SNRK: variants seen among roughly 807,000 people sequenced by gnomAD.
SNRK encodes SNF-related serine/threonine-protein kinase.
A neutral mutation model predicts 48.2 loss-of-function variants in SNRK; 3 were observed. The observed-to-expected ratio is 0.06, with a 90% CI of 0.03 to 0.16. The LOEUF (loss-of-function observed/expected upper bound fraction) is 0.16. Among genes scored for constraint, SNRK ranks in the 10% least tolerant of loss-of-function variants. The pLI, the probability that SNRK is intolerant of heterozygous loss-of-function variation, is 1.00. For synonymous variants in SNRK, 376 were observed against 366.1 expected (o/e 1.03, Z -0.31); for missense variants, 627 against 976.0 (o/e 0.64, Z 4.76).
At chr3:43,336,018 A>G (rs1340352491) in intron 4 of SNRK, among the ~76,000 whole-genome samples, 1 of 152,078 alleles carries the variant, frequency 6.6e-6, no homozygotes, top group Non-Finnish European at 1.5e-5. Context: ...TTTGTGTTTT[A>G]AATGGAGAGT....
chr3:43,341,869 A>C (rs1244229823), intron 5 of SNRK, among the ~76,000 whole-genome samples: 1 of 152,214 alleles, frequency 6.6e-6, no homozygotes, highest in African/African-American at 2.4e-5. Context: ...AAGGTTTATA[A>C]AAATAAACCC....
intron 6 of SNRK, among the ~76,000 whole-genome samples, chr3:43,344,096 T>C (rs758731813): frequency 3.9e-5 from 6 of 152,142 alleles, no homozygotes; most frequent in Non-Finnish European, 5.9e-5. Flanking sequence ...GTAAAGCACT[T>C]AGAACCAGGG....
intron 2 of SNRK, among the ~76,000 whole-genome samples, chr3:43,301,647 A>G (rs1559459976): frequency 6.6e-6 from 1 of 152,226 alleles, no homozygotes; most frequent in Non-Finnish European, 1.5e-5. Flanking sequence ...AAACTTACCT[A>G]TTATATGTCA....
chr3:43,345,217 G>T (rs180716827), intron 6 of SNRK, among the ~76,000 whole-genome samples: 1 of 152,364 alleles, frequency 6.6e-6, no homozygotes, highest in African/African-American at 2.4e-5. Context: ...AGGGCCCACT[G>T]GCAGTGGCAG....
chr3:43,291,765 A>G (rs989137561), intron 1 of SNRK, among the ~76,000 whole-genome samples: 1 of 152,206 alleles, frequency 6.6e-6, no homozygotes, highest in Non-Finnish European at 1.5e-5. Context: ...AATTCTGATC[A>G]TTCCTGAAGT....
chr3:43,320,399 A>G (rs2091044617), intron 3 of SNRK, among the ~76,000 whole-genome samples: 1 of 152,190 alleles, frequency 6.6e-6, no homozygotes, highest in South Asian at 2.1e-4. Context: ...GGCCCTTGTT[A>G]GGGTTTAAGA....
rs1284915054 is a variant in SNRK, at chr3:43,340,297, C to T, written c.742C>T (p.Arg248Trp). The T allele has an allele frequency of 1.7e-5, 27 of 1,613,716 alleles. No individual in the cohort carries two copies. Among genetic ancestry groups the T allele is most frequent in the East Asian group, 6.7e-5 (3 of 44,886 alleles). The change falls in exon 5 of 7, where the codon CGG becomes TGG. Residue 248 changes from arginine to tryptophan, a missense_variant. This residue lies in a region of SNRK where 147 missense variants were observed against 356.8 expected (regional missense o/e 0.41). Transcript: ENST00000296088. ...VSKECKDLITRMLQRDPKRRA... is the reference protein window; with the variant it reads ...VSKECKDLITWMLQRDPKRRA... ...TACCTTCCTTTCCAGCCTAATCACACGGATGCTACAGAGAGATCCCAAGAG... is the reference window on the plus strand; with the variant it reads ...TACCTTCCTTTCCAGCCTAATCACATGGATGCTACAGAGAGATCCCAAGAG...
intron 1 of SNRK, among the ~76,000 whole-genome samples, chr3:43,298,354 GC>G (rs1175761921): frequency 6.6e-6 from 1 of 152,090 alleles, no homozygotes; most frequent in African/African-American, 2.4e-5. Flanking sequence ...AGAGAAGCAG[GC>G]AAGGATAGTG....
chr3:43,327,139 C>G (rs1334689121), intron 3 of SNRK, among the ~76,000 whole-genome samples: 1 of 152,094 alleles, frequency 6.6e-6, no homozygotes, highest in Admixed American at 6.6e-5. Context: ...CTTTAGTAAC[C>G]AAAGCTCTAC....
At chr3:43,322,916 C>T (rs2091065128) in intron 3 of SNRK, among the ~76,000 whole-genome samples, 1 of 136,252 alleles carries the variant, frequency 7.3e-6, no homozygotes, top group Non-Finnish European at 1.5e-5. Flanking sequence ...CGTGCCACTG[C>T]ACTACAGCCT....
At chr3:43,310,804 C>T (rs970867676) in intron 3 of SNRK, among the ~76,000 whole-genome samples, 10 of 152,106 alleles carry the variant, frequency 6.6e-5, no homozygotes, top group Non-Finnish European at 8.8e-5. Context: ...TTCATTGATT[C>T]GGTGGAGCAT....
chr3:43,328,192 C>T (rs1007852702), intron 3 of SNRK, among the ~76,000 whole-genome samples: 3 of 151,912 alleles, frequency 2.0e-5, no homozygotes, highest in Admixed American at 1.3e-4. Context: ...CTGTACATTT[C>T]GCTCCATTAC....
intron 5 of SNRK, 65 bp from the exon 6 acceptor site, chr3:43,343,279 A>G (rs527398640): frequency 3.0e-5 from 46 of 1,514,382 alleles, no homozygotes; most frequent in African/African-American, 1.3e-4. Context: ...TTAAAAATCA[A>G]TTCTGCTTCT....
intron 3 of SNRK, among the ~76,000 whole-genome samples, chr3:43,324,238 G>A (rs1463108259): frequency 1.3e-5 from 2 of 152,206 alleles, no homozygotes; most frequent in Middle Eastern, 3.2e-3. Flanking sequence ...GGCCGGGCGT[G>A]GTGGCTCACG....
chr3:43,300,216 C>A (rs1373595062), intron 2 of SNRK, among the ~76,000 whole-genome samples: 1 of 151,974 alleles, frequency 6.6e-6, no homozygotes, highest in African/African-American at 2.4e-5. Context: ...TAATCTATAG[C>A]TTGCTATAGA....
Position 43,349,001 on chromosome 3 carries a change from C to T in SNRK, c.*444C>T, listed in dbSNP as rs755173172. Reference sequence around the variant, plus strand: ...GTCTGAGACAGAACCAAAGCAATAACGTTGTGATGCCCACAGGCCTGGAGC... The same window carrying T: ...GTCTGAGACAGAACCAAAGCAATAATGTTGTGATGCCCACAGGCCTGGAGC... On this transcript the variant is annotated 3_prime_UTR_variant, in exon 7 of 7. Transcript: ENST00000296088. The T allele has an allele frequency of 6.5e-6, 1 of 154,512 alleles. No homozygotes were observed. The highest frequency in any genetic ancestry group is 1.9e-4 in the East Asian group (1 of 5,206). The allele number at this position is 154,512 out of a possible 1,614,324, so 9.6% of individuals were successfully genotyped here.
intron 1 of SNRK, among the ~76,000 whole-genome samples, chr3:43,287,332 AT>A (rs1353610793): frequency 6.6e-6 from 1 of 152,084 alleles, no homozygotes; most frequent in Non-Finnish European, 1.5e-5. Context: ...TTTCTGGTCC[AT>A]TTTACAGGGA....
At chr3:43,321,364 T>C (rs954889647) in intron 3 of SNRK, among the ~76,000 whole-genome samples, 9 of 152,150 alleles carry the variant, frequency 5.9e-5, no homozygotes, top group African/African-American at 1.9e-4. Context: ...TATCCATGAA[T>C]CTTACCAATT....
chr3:43,325,711 A>G (rs1215509906), intron 3 of SNRK, among the ~76,000 whole-genome samples: 2 of 152,062 alleles, frequency 1.3e-5, no homozygotes, highest in African/African-American at 4.8e-5. Context: ...ATTGCATTGC[A>G]TTTGTCATAA....
Sources: gnomAD v4.1 joint callset for allele counts (sites outside exome capture counted in the v4.1 genomes callset) on GRCh38, gnomAD v4.1.1 for gene constraint, gnomAD v4.1.1 regional missense constraint, MANE v1.5 for transcripts, NCBI Gene and HGNC (gene_info 2026-07-23, HGNC 2026-07-21) for gene names.